The following ACAN variants were observed in gnomAD, a reference collection of about 807,000 sequenced individuals.
The protein encoded by ACAN is aggrecan core protein.
A neutral mutation model predicts 169.1 loss-of-function variants in ACAN; 47 were observed. That is an observed-to-expected ratio of 0.28 (90% confidence interval 0.22 to 0.35). The LOEUF (loss-of-function observed/expected upper bound fraction) is 0.35. Among genes scored for constraint, ACAN ranks in the 10% least tolerant of loss-of-function variants. ACAN has a pLI of 1.00. For synonymous variants in ACAN, 1,115 were observed against 1,112.2 expected (o/e 1.00, Z -0.05); for missense variants, 2,716 against 2,759.9 (o/e 0.98, Z 0.36).
intron 5 of ACAN, among the ~76,000 whole-genome samples, chr15:88,842,974 T>C (rs999370059): frequency 6.6e-6 from 1 of 151,810 alleles, no homozygotes; most frequent in African/African-American, 2.4e-5. Context: ...AAATTTGAGG[T>C]TTTTAAAAGG....
chr15:88,822,135 T>A (rs1256783215), intron 1 of ACAN, among the ~76,000 whole-genome samples: 1 of 152,208 alleles, frequency 6.6e-6, no homozygotes, highest in Non-Finnish European at 1.5e-5. Context: ...CTCCAGTCCC[T>A]CCAGAGGTCA....
At chr15:88,846,695 G>GTT (rs1267637267) in intron 7 of ACAN, among the ~76,000 whole-genome samples, 3 of 152,198 alleles carry the variant, frequency 2.0e-5, no homozygotes, top group African/African-American at 7.2e-5. Flanking sequence ...TAGCATTGAC[G>GTT]TTGTATCAGG....
rs1897187351 is a variant in ACAN, at chr15:88,861,209, C to T, written c.6946+770C>T. Among the ~76,000 whole-genome samples, 1 of 152,158 alleles carries T rather than the reference C, an allele frequency of 6.6e-6. No homozygotes were observed. Among genetic ancestry groups the T allele is most frequent in the East Asian group, 1.9e-4 (1 of 5,190 alleles). On this transcript the variant is annotated intron_variant, in intron 13 of 18. Coordinates refer to ENST00000560601, the MANE Select transcript of ACAN (RefSeq NM_001369268.1). The surrounding 1 kb of genome is among the most constrained non-coding windows in gnomAD (Gnocchi z 6.3). ...TGAGGAAAGAAATGCCCAGTTACCA[C>T]CAAGCTCATGTTCTTTCATTAGTTC...
Position 88,857,771 on chromosome 15 carries a change from T to C in ACAN, c.5186T>C (p.Ile1729Thr). 1 of 1,613,964 alleles carries C rather than the reference T, an allele frequency of 6.2e-7. No individual in the cohort carries two copies. ...GGGTCTCCTGATGTCAGTGGGGAAA[T>C]ACCTGGACTCTTTGGTGTCAGTGGA... ...ASGSPDVSGE[I>T]PGLFGVSGQP... The change falls in exon 12 of 19, where the codon ATA becomes ACA. Residue 1729 changes from isoleucine to threonine, a missense_variant. Physicochemically the swap from Ile to Thr is moderately conservative, Grantham distance 89 (BLOSUM62 -1). Around this residue, in one of 3 missense-constraint regions of ACAN, gnomAD observed 1,389 missense variants for 1,363.7 expected, o/e 1.02. Transcript: ENST00000560601.
At position 88,858,959 on chromosome 15, in the gene ACAN, G is replaced by A. The variant is rs1027872262; in HGVS notation, c.6374G>A (p.Gly2125Glu). 6.2e-7 allele frequency: 1 copy of A among 1,612,146 alleles called. No individual in the cohort carries two copies. Among genetic ancestry groups the A allele is most frequent in the Non-Finnish European group, 8.5e-7 (1 of 1,178,562 alleles). Residue 2125 changes from glycine to glutamate, a missense_variant, in exon 12 of 19, where the codon GGG becomes GAG. Around this residue, in one of 3 missense-constraint regions of ACAN, gnomAD observed 1,389 missense variants for 1,363.7 expected, o/e 1.02. Transcript: ENST00000560601. The surrounding 1 kb of genome is among the most constrained non-coding windows in gnomAD (Gnocchi z 4.0). ...CCTGAGGCCAGCAGAGAAGATTCTG[G>A]GTCCCCTGATCTGAGTGAAACCACC... ...AAPEASREDS[G>E]SPDLSETTSA...
intron 1 of ACAN, among the ~76,000 whole-genome samples, chr15:88,822,156 T>C (rs1333677095): frequency 6.6e-6 from 1 of 152,218 alleles, no homozygotes; most frequent in Non-Finnish European, 1.5e-5. Context: ...GGTTGATACC[T>C]CGTGCCCCAA....
Position 88,854,865 on chromosome 15 carries a change from T to A in ACAN, c.2280T>A (p.Thr760=), listed in dbSNP as rs554374418. 668 of 1,493,414 alleles carry A rather than the reference T, an allele frequency of 4.5e-4. 6 individuals carry two copies. In the South Asian group the frequency reaches 9.3e-3, roughly 21 times the overall value. The allele number at this position is 1,493,414 out of a possible 1,614,324, so 92.5% of individuals were successfully genotyped here. ...TCTTTCCTACAGGGATCCTTCCTAC[T>A]TGGCCTCCCACTGGCGCAGCAACAG... is the stretch of plus-strand genomic sequence containing the variant. ...GTSPLPGILP[T]WPPTGAATEE... is the part of the protein sequence containing the mutation. The change falls in exon 12 of 19, where the codon ACT becomes ACA. Residue 760 remains threonine, a synonymous_variant. Transcript: ENST00000560601.
Position 88,845,556 on chromosome 15 carries a change from A to G in ACAN, c.1103A>G (p.Glu368Gly). 6.2e-7 allele frequency: 1 copy of G among 1,613,580 alleles called. No homozygotes were observed. The highest frequency in any genetic ancestry group is 8.5e-7 in the Non-Finnish European group (1 of 1,179,584). The change falls in exon 7 of 19, where the codon GAG becomes GGG. Residue 368 changes from glutamate (E) to glycine (G), a missense_variant. Physicochemically the swap from Glu to Gly is moderately conservative, Grantham distance 98 (BLOSUM62 -2). Around this residue, in one of 3 missense-constraint regions of ACAN, gnomAD observed 1,283 missense variants for 1,281.5 expected, o/e 1.00. Coordinates refer to ENST00000560601, the MANE Select transcript of ACAN (RefSeq NM_001369268.1). Reference sequence around the variant, plus strand: ...AACTTCTTTGGAGTGGGGGGTGAGGAGGACATCACCGTCCAGACAGTGACC... The same window carrying G: ...AACTTCTTTGGAGTGGGGGGTGAGGGGGACATCACCGTCCAGACAGTGACC... ...PENFFGVGGEEDITVQTVTWP... is the reference protein window; with the variant it reads ...PENFFGVGGEGDITVQTVTWP...
At position 88,873,722 on chromosome 15, in the gene ACAN, C is replaced by T. The variant is rs1000035452; in HGVS notation, c.7448-120C>T. The T allele has an allele frequency of 2.3e-5, 25 of 1,074,516 alleles. No individual in the cohort carries two copies. Among genetic ancestry groups the T allele is most frequent in the Non-Finnish European group, 3.0e-5 (23 of 754,486 alleles). The allele number at this position is 1,074,516 out of a possible 1,614,324, so 66.6% of individuals were successfully genotyped here. ...CCAGATTCTTAGCGCTGCATGAAAA[C>T]GTCCAGGGCTCACTGTCAGATGTTG... is the stretch of plus-strand genomic sequence containing the variant. On this transcript the variant is annotated intron_variant, in intron 17 of 18. Coordinates refer to ENST00000560601, the MANE Select transcript of ACAN (RefSeq NM_001369268.1). This position sits in a 1 kb window ranked among gnomAD's most constrained non-coding sequence, Gnocchi z 7.5.
In ACAN at chr15:88,871,425, C is replaced by G. The variant is rs1596156393; in HGVS notation, c.7104C>G (p.His2368Gln). ...CEEGWNKYQG[H>Q]CYRHFPDRET... is the part of the protein sequence containing the mutation. ...AGGGCTGGAACAAGTACCAGGGCCA[C>G]TGTTACCGCCACTTCCCGGACCGCG... is the stretch of plus-strand genomic sequence containing the variant. Residue 2368 changes from histidine to glutamine, a missense_variant, in exon 15 of 19, where the codon CAC (histidine) becomes CAG (glutamine). Around this residue, in one of 3 missense-constraint regions of ACAN, gnomAD observed 1,389 missense variants for 1,363.7 expected, o/e 1.02. Coordinates refer to ENST00000560601, the MANE Select transcript of ACAN (RefSeq NM_001369268.1). The surrounding 1 kb of genome is among the most constrained non-coding windows in gnomAD (Gnocchi z 7.8). The G allele has an allele frequency of 6.2e-7, 1 of 1,613,986 alleles. No homozygotes were observed. Among genetic ancestry groups the G allele is most frequent in the Non-Finnish European group, 8.5e-7 (1 of 1,179,900 alleles).
intron 4 of ACAN, 48 bp downstream of exon 4, chr15:88,840,234 A>G: frequency 6.6e-7 from 1 of 1,516,326 alleles, no homozygotes; most frequent in Non-Finnish European, 8.8e-7. Flanking sequence ...CAGCAGCCAC[A>G]GGGGAGTGGG....
At chr15:88,850,166 T>C (rs1322431193) in intron 10 of ACAN, 1 of 387,200 alleles carries the variant, frequency 2.6e-6, no homozygotes, top group Admixed American at 4.2e-5. Context: ...TACATATCTA[T>C]ATGTAAAGCT....
chr15:88,831,262 C>T (rs1426118302), intron 1 of ACAN, among the ~76,000 whole-genome samples: 6 of 152,198 alleles, frequency 3.9e-5, no homozygotes, highest in African/African-American at 1.2e-4. Flanking sequence ...TCCTCTGGGC[C>T]GCACATGGCC....
chr15:88,873,655 T>C lies in ACAN; in HGVS notation c.7448-187T>C. ...CCCCGTTTGTATTCCCTTCCTGCTGTTCTAAATTGTTGAGGAACCCAGATG... is the reference window on the plus strand; with the variant it reads ...CCCCGTTTGTATTCCCTTCCTGCTGCTCTAAATTGTTGAGGAACCCAGATG... On this transcript the variant is annotated intron_variant, in intron 17 of 18. Transcript: ENST00000560601. The surrounding 1 kb of genome is among the most constrained non-coding windows in gnomAD (Gnocchi z 7.5). 1 of 612,304 alleles carries C rather than the reference T, an allele frequency of 1.6e-6. No homozygotes were observed. Among genetic ancestry groups the C allele is most frequent in the East Asian group, 2.8e-5 (1 of 36,098 alleles). 37.9% of individuals were successfully genotyped at this position (612,304 alleles called of 1,614,324 possible).
At position 88,869,345 on chromosome 15, in the gene ACAN, G is replaced by A. The variant is rs977049963; in HGVS notation, c.7060+1016G>A. On this transcript the variant is annotated intron_variant, in intron 14 of 18. Coordinates refer to ENST00000560601, the MANE Select transcript of ACAN (RefSeq NM_001369268.1). The surrounding 1 kb of genome is among the most constrained non-coding windows in gnomAD (Gnocchi z 4.2). ...CTGGGAAGTCTCCCTTTGGTCCTAA[G>A]CAGTGTGAGGAGGTAGTTTTGGGTT... Among the ~76,000 whole-genome samples the A allele has an allele frequency of 6.6e-6, 1 of 152,162 alleles. No homozygotes were observed. Among genetic ancestry groups the A allele is most frequent in the African/African-American group, 2.4e-5 (1 of 41,440 alleles).
rs1897476604 is a variant in ACAN at position 88,874,940 on chromosome 15, G to A, written c.*459G>A. 1 of 308,600 alleles carries A rather than the reference G, an allele frequency of 3.2e-6. No individual in the cohort carries two copies. The highest frequency in any genetic ancestry group is 6.2e-6 in the Non-Finnish European group (1 of 160,246). The allele number at this position is 308,600 out of a possible 1,614,324, so 19.1% of individuals were successfully genotyped here. On this transcript the variant is annotated 3_prime_UTR_variant, in exon 19 of 19. Coordinates refer to ENST00000560601, the MANE Select transcript of ACAN (RefSeq NM_001369268.1). This position sits in a 1 kb window ranked among gnomAD's most constrained non-coding sequence, Gnocchi z 7.3. ...AGCTGGAAGGAGCAGAGGCCTGAGA[G>A]CAGGAAGAACTCGGAACCGCAGCTG...
rs368726691 is a variant in ACAN, at chr15:88,841,018, T to G, written c.630-722T>G. Among the ~76,000 whole-genome samples, 1,038 of 152,098 alleles carry G rather than the reference T, an allele frequency of 6.8e-3. 8 individuals are homozygous for G. The highest frequency in any genetic ancestry group is 0.036 in the East Asian group (185 of 5,166). ...AAATTAGCCAGGCGTGGTGGTGGGC[T>G]CCTGTAGTCCCAGCTACTCGGGAGG... On this transcript the variant is annotated intron_variant, in intron 4 of 18. Transcript: ENST00000560601.
chr15:88,846,200 C>T (rs571570697), intron 7 of ACAN, among the ~76,000 whole-genome samples: 1 of 152,196 alleles, frequency 6.6e-6, no homozygotes, highest in Admixed American at 6.5e-5. Flanking sequence ...CTGTCCAGGG[C>T]CCCTCCTTGC....
Position 88,843,188 on chromosome 15 carries a change from A to G in ACAN, c.758-167A>G, listed in dbSNP as rs1896708003. ...TTGATGTCATCCTACACAAAAGCCC[A>G]GAAATAAGCAATGAAGGGCAAGATC... On this transcript the variant is annotated intron_variant, in intron 5 of 18. Coordinates refer to ENST00000560601, the MANE Select transcript of ACAN (RefSeq NM_001369268.1). The surrounding 1 kb of genome is among the most constrained non-coding windows in gnomAD (Gnocchi z 4.0). 6.6e-6 allele frequency among the ~76,000 whole-genome samples: 1 copy of G among 152,232 alleles called. No individual in the cohort carries two copies. The highest frequency in any genetic ancestry group is 2.1e-4 in the South Asian group (1 of 4,836).
Sources: allele counts gnomAD v4.1 joint callset (sites outside exome capture counted in the v4.1 genomes callset), GRCh38; gene constraint gnomAD v4.1.1; regional missense constraint gnomAD v4.1.1; non-coding constraint Gnocchi (gnomAD v3.1); transcripts MANE v1.5; gene names NCBI Gene and HGNC (gene_info 2026-07-23, HGNC 2026-07-21).